MAPK4: variants seen among roughly 807,000 people sequenced by gnomAD.
The protein encoded by MAPK4 is Erk3-related.
Under a neutral mutation model 47.7 loss-of-function variants are expected in MAPK4, and 22 were observed. The ratio of observed to expected loss-of-function variants is 0.46; its 90% confidence interval spans 0.33 to 0.66. The LOEUF (loss-of-function observed/expected upper bound fraction) is 0.66. Ranked by LOEUF, MAPK4 falls within the 30% of genes least tolerant of loss-of-function variation. The pLI is 0.02. For missense variants in MAPK4, 736 were observed against 831.7 expected (o/e 0.88, Z 1.42); for synonymous variants, 390 against 365.7 (o/e 1.07, Z -0.76).
chr18:50,704,238 G>A (rs957687058), intron 2 of MAPK4, among the ~76,000 whole-genome samples: 4 of 152,162 alleles, frequency 2.6e-5, no homozygotes, highest in Non-Finnish European at 5.9e-5. Flanking sequence ...GGCCAGACAC[G>A]GTGTCTTATG....
intron 1 of MAPK4, among the ~76,000 whole-genome samples, chr18:50,654,026 A>T: frequency 6.6e-6 from 1 of 152,242 alleles, no homozygotes; most frequent in East Asian, 1.9e-4. Context: ...GGAGAGAGTC[A>T]TGACTGATTA....
chr18:50,599,739 G>T (rs1414961491), intron 1 of MAPK4, among the ~76,000 whole-genome samples: 4 of 152,094 alleles, frequency 2.6e-5, no homozygotes. Context: ...ATTTTTAATA[G>T]ACACATAATA....
chr18:50,626,730 T>G (rs1406176497), intron 1 of MAPK4, among the ~76,000 whole-genome samples: 4 of 152,188 alleles, frequency 2.6e-5, no homozygotes, highest in Non-Finnish European at 5.9e-5. Flanking sequence ...CTCCAGCAGA[T>G]GTGCTTCATC....
intron 1 of MAPK4, among the ~76,000 whole-genome samples, chr18:50,587,017 T>C (rs1309182499): frequency 6.6e-6 from 1 of 152,196 alleles, no homozygotes; most frequent in Non-Finnish European, 1.5e-5. Flanking sequence ...AAAAACAATT[T>C]CATATTTTTC....
At chr18:50,635,932 C>T (rs535327810) in intron 1 of MAPK4, among the ~76,000 whole-genome samples, 1 of 152,298 alleles carries the variant, frequency 6.6e-6, no homozygotes, top group African/African-American at 2.4e-5. Context: ...GTCCACTAGG[C>T]CTTGATGGCC....
intron 2 of MAPK4, among the ~76,000 whole-genome samples, chr18:50,677,048 G>A (rs561834108): frequency 6.6e-6 from 1 of 152,130 alleles, no homozygotes; most frequent in African/African-American, 2.4e-5. Context: ...ATCAGCAGTG[G>A]CATTAGAGTC....
At position 50,729,758 on chromosome 18, in the gene MAPK4, G is replaced by T. The variant is rs374912748; in HGVS notation, c.1668G>T (p.Leu556=). The change falls in exon 6 of 6, where the codon CTG becomes CTT. Residue 556 remains leucine (L), a synonymous_variant. Transcript: ENST00000400384. The stretch of plus-strand genomic sequence containing the variant: ...AGCTCTGCACCAAGCCCGAGGACCT[G>T]CCGGACAATAAACTGGGCGACCTCA... ...ALKLCTKPED[L]PDNKLGDLNG... 5 of 1,610,322 alleles carry T rather than the reference G, an allele frequency of 3.1e-6. No individual in the cohort carries two copies. The highest frequency in any genetic ancestry group is 3.4e-6 in the Non-Finnish European group (4 of 1,179,108).
intron 1 of MAPK4, among the ~76,000 whole-genome samples, chr18:50,626,471 A>G (rs1195302687): frequency 6.6e-6 from 1 of 152,148 alleles, no homozygotes; most frequent in Non-Finnish European, 1.5e-5. Flanking sequence ...AGTCTGTCCC[A>G]TAGCCTTGTT....
At chr18:50,585,433 C>A (rs1346047677) in intron 1 of MAPK4, among the ~76,000 whole-genome samples, 1 of 152,230 alleles carries the variant, frequency 6.6e-6, no homozygotes, top group Admixed American at 6.5e-5. Flanking sequence ...CTCTTTCCCT[C>A]TTCCCTGTCC....
chr18:50,663,735 T>C lies in MAPK4; in HGVS notation c.-224T>C, dbSNP rs1192654007. 17 of 474,266 alleles carry C rather than the reference T, an allele frequency of 3.6e-5. No homozygotes were observed. The highest frequency in any genetic ancestry group is 5.6e-5 in the Non-Finnish European group (15 of 266,984). The allele number at this position is 474,266 out of a possible 1,614,324, so 29.4% of individuals were successfully genotyped here. ...TAGTAGACAGCCCTCCCAATGCAGG[T>C]TAAGACGACAGCCTGCGCCCCCAAC... is the stretch of plus-strand genomic sequence containing the variant. On this transcript the variant is annotated 5_prime_UTR_variant, in exon 2 of 6. Transcript: ENST00000400384.
At chr18:50,595,381 C>A (rs372963500) in intron 1 of MAPK4, among the ~76,000 whole-genome samples, 2 of 152,248 alleles carry the variant, frequency 1.3e-5, no homozygotes, top group African/African-American at 4.8e-5. Flanking sequence ...GGATTAAAAA[C>A]CCAAGATATG....
intron 5 of MAPK4, among the ~76,000 whole-genome samples, chr18:50,726,671 G>A (rs1242460848): frequency 6.6e-6 from 1 of 152,152 alleles, no homozygotes; most frequent in Admixed American, 6.5e-5. Flanking sequence ...GCCAAGGTGG[G>A]AGGATAGCTT....
At chr18:50,629,597 A>T (rs1201310809) in intron 1 of MAPK4, 1 of 152,242 alleles carries the variant, frequency 6.6e-6, no homozygotes, top group African/African-American at 2.4e-5. Context: ...AGACAGCGAC[A>T]GCAGAGCATC....
rs569421164 is a variant in MAPK4 at position 50,730,853 on chromosome 18, C to T, written c.*999C>T. On this transcript the variant is annotated 3_prime_UTR_variant, in exon 6 of 6. Coordinates refer to ENST00000400384, the MANE Select transcript of MAPK4 (RefSeq NM_002747.4). Reference sequence around the variant, plus strand: ...CCACAGCGCCTCTCCAGACCTACCTCGGGACCTAATGTTCTCTACATGAAC... The same window carrying T: ...CCACAGCGCCTCTCCAGACCTACCTTGGGACCTAATGTTCTCTACATGAAC... The T allele has an allele frequency of 9.9e-5, 15 of 152,202 alleles. No individual in the cohort carries two copies. The highest frequency in any genetic ancestry group is 5.9e-4 in the Admixed American group (9 of 15,294). The allele number at this position is 152,202 out of a possible 1,614,324, so 9.4% of individuals were successfully genotyped here.
intron 3 of MAPK4, among the ~76,000 whole-genome samples, chr18:50,720,104 A>T (rs762230295): frequency 2.6e-5 from 4 of 152,166 alleles, no homozygotes; most frequent in Non-Finnish European, 4.4e-5. Context: ...AGTATCCTCC[A>T]TGCTTCACAC....
In MAPK4 at chr18:50,658,474, C is replaced by T. The variant is rs117828016; in HGVS notation, c.-870-4615C>T. 5.0e-3 allele frequency among the ~76,000 whole-genome samples: 767 copies of T among 152,318 alleles called. 2 individuals are homozygous for T. The highest frequency in any genetic ancestry group is 7.9e-3 in the Non-Finnish European group (536 of 68,032). On this transcript the variant is annotated intron_variant, in intron 1 of 5. Coordinates refer to ENST00000400384, the MANE Select transcript of MAPK4 (RefSeq NM_002747.4). ...TTCCCTCTTGGAGCTCCATGGAGGACGATATCAACCTCACAGGGGTGTTGT... is the reference window on the plus strand; with the variant it reads ...TTCCCTCTTGGAGCTCCATGGAGGATGATATCAACCTCACAGGGGTGTTGT...
intron 1 of MAPK4, among the ~76,000 whole-genome samples, chr18:50,601,838 C>G (rs148366522): frequency 1.3e-5 from 2 of 152,272 alleles, no homozygotes; most frequent in Non-Finnish European, 2.9e-5. Context: ...TAGTCTTCTT[C>G]CTTTGTCATA....
chr18:50,721,866 C>T, intron 3 of MAPK4, 72 bp from the exon 4 acceptor site: 1 of 1,507,354 alleles, frequency 6.6e-7, no homozygotes, highest in Non-Finnish European at 9.1e-7. Flanking sequence ...GAACACCTGG[C>T]ACTGCTTTTG....
chr18:50,614,060 G>C (rs1270215739), intron 1 of MAPK4, among the ~76,000 whole-genome samples: 1 of 152,084 alleles, frequency 6.6e-6, no homozygotes. Context: ...ATTGAAAGTT[G>C]GCAAAATGTT....
Sources: gnomAD v4.1 joint callset for allele counts (sites outside exome capture counted in the v4.1 genomes callset) on GRCh38, gnomAD v4.1.1 for gene constraint, MANE v1.5 for transcripts, NCBI Gene and HGNC (gene_info 2026-07-23, HGNC 2026-07-21) for gene names.